PPA2: variants seen among roughly 807,000 people sequenced by gnomAD.
PPA2 encodes the protein inorganic pyrophosphatase 2, mitochondrial.
Under a neutral mutation model 49.5 loss-of-function variants are expected in PPA2, and 48 were observed. That is an observed-to-expected ratio of 0.97 (90% CI 0.77 to 1.23). The LOEUF (loss-of-function observed/expected upper bound fraction) is 1.23, where lower values mean the gene tolerates loss of function less well. PPA2 is among the 50% of genes most tolerant of loss of function. The pLI is 0.00. For synonymous variants in PPA2, 131 were observed against 139.9 expected (o/e 0.94, Z 0.45); for missense variants, 429 against 410.1 (o/e 1.05, Z -0.40).
At chr4:105,399,388 A>G in intron 7 of PPA2, 1 of 350,998 alleles carries the variant, frequency 2.8e-6, no homozygotes, top group Non-Finnish European at 5.1e-6. Context: ...AAACATTTAC[A>G]AAGCATCTTC....
chr4:105,448,097 T>G (rs758488935), intron 4 of PPA2: 18 of 404,450 alleles, frequency 4.5e-5, no homozygotes, highest in Non-Finnish European at 8.9e-5. Context: ...TTAAAACCTA[T>G]GTATATAGGA....
At chr4:105,454,388 T>A (rs985252312) in intron 2 of PPA2, among the ~76,000 whole-genome samples, 8 of 152,224 alleles carry the variant, frequency 5.3e-5, no homozygotes, top group Admixed American at 2.6e-4. Context: ...TGGAGTGCAG[T>A]GGCGCAATCT....
At chr4:105,424,071 C>G in intron 7 of PPA2, 125 bp downstream of exon 7, 1 of 998,836 alleles carries the variant, frequency 1.0e-6, no homozygotes, top group Non-Finnish European at 1.5e-6. Context: ...ATTTGTCTAT[C>G]TACATCTTTT....
At chr4:105,449,567 G>T (rs1248108690) in intron 3 of PPA2, among the ~76,000 whole-genome samples, 164 bp from the exon 4 acceptor site, 4 of 152,114 alleles carry the variant, frequency 2.6e-5, no homozygotes, top group Admixed American at 2.6e-4. Context: ...AGAAATTAGA[G>T]TTGTCTAAAA....
chr4:105,402,983 CTTTT>C (rs1722285553), intron 7 of PPA2, among the ~76,000 whole-genome samples: 1 of 151,652 alleles, frequency 6.6e-6, no homozygotes, highest in Admixed American at 6.6e-5. Context: ...AAAATTCTTT[CTTTT>C]TCTTTCCTCT....
At chr4:105,422,093 C>T (rs1377255158) in intron 7 of PPA2, among the ~76,000 whole-genome samples, 1 of 152,098 alleles carries the variant, frequency 6.6e-6, no homozygotes, top group African/African-American at 2.4e-5. Flanking sequence ...GAGAAGAGTA[C>T]TTTAAGTACT....
intron 10 of PPA2, among the ~76,000 whole-genome samples, chr4:105,374,024 G>A (rs998478663): frequency 2.0e-5 from 3 of 152,098 alleles, no homozygotes; most frequent in Non-Finnish European, 2.9e-5. Flanking sequence ...ACAAAGAGAT[G>A]TATGGAGCAG....
intron 1 of PPA2, among the ~76,000 whole-genome samples, chr4:105,459,607 A>T (rs113536589): frequency 0.02 from 3,104 of 152,332 alleles, 49 homozygotes; most frequent in Middle Eastern, 0.061. Flanking sequence ...AAAAATCTCT[A>T]TATGTTTACA....
rs2713870 is a variant in PPA2, at chr4:105,399,375, T to C, written c.656-211A>G. ...TATGTATAATACTATTCCTGCACTC[T>C]ACAAACATTTACAAAGCATCTTCAG... On this transcript the variant is annotated intron_variant, in intron 7 of 11. Transcript: ENST00000341695. 159,047 of 370,216 alleles carry C rather than the reference T, an allele frequency of 0.43. 37,553 individuals are homozygous for C. The highest frequency in any genetic ancestry group is 0.72 in the East Asian group (17,042 of 23,592). The allele number at this position is 370,216 out of a possible 1,614,324, so 22.9% of individuals were successfully genotyped here. A position where few individuals can be genotyped will look rare whatever the true frequency, so the allele number is the denominator to read the frequency against.
intron 6 of PPA2, among the ~76,000 whole-genome samples, chr4:105,430,942 C>G (rs918583169): frequency 5.3e-5 from 8 of 152,064 alleles, no homozygotes; most frequent in African/African-American, 1.9e-4. Context: ...TACTGGGATT[C>G]ACAACGGTTA....
chr4:105,408,681 C>T (rs919014550), intron 7 of PPA2, among the ~76,000 whole-genome samples: 1 of 152,064 alleles, frequency 6.6e-6, no homozygotes, highest in African/African-American at 2.4e-5. Flanking sequence ...AACACAACTG[C>T]AATAGTTAAA....
intron 6 of PPA2, among the ~76,000 whole-genome samples, chr4:105,429,880 C>CG (rs1723719035): frequency 6.6e-6 from 1 of 152,104 alleles, no homozygotes; most frequent in Admixed American, 6.5e-5. Context: ...ATTGACAAAA[C>CG]AGGTTTCATA....
At chr4:105,402,999 TTTC>T (rs1304321876) in intron 7 of PPA2, among the ~76,000 whole-genome samples, 6 of 148,756 alleles carry the variant, frequency 4.0e-5, no homozygotes, top group Non-Finnish European at 7.4e-5. Context: ...CTTTCCTCTT[TTTC>T]TTTCTTTCTT....
At chr4:105,456,873 C>T in intron 1 of PPA2, 128 bp from the exon 2 acceptor site, 1 of 641,210 alleles carries the variant, frequency 1.6e-6, no homozygotes. Flanking sequence ...ACTTTAACTC[C>T]CAACTTAAAG....
intron 1 of PPA2, among the ~76,000 whole-genome samples, chr4:105,461,464 C>CT (rs1723089521): frequency 6.6e-6 from 1 of 152,202 alleles, no homozygotes; most frequent in Non-Finnish European, 1.5e-5. Context: ...AGCAGTCAGA[C>CT]TTTCGGTTGG....
intron 10 of PPA2, among the ~76,000 whole-genome samples, chr4:105,383,772 A>C (rs1300333481): frequency 6.6e-6 from 1 of 152,192 alleles, no homozygotes; most frequent in Non-Finnish European, 1.5e-5. Flanking sequence ...TAATTCGCTC[A>C]TTCTAAGCTA....
At chr4:105,390,875 C>G (rs1733887055) in intron 9 of PPA2, among the ~76,000 whole-genome samples, 1 of 152,176 alleles carries the variant, frequency 6.6e-6, no homozygotes, top group Non-Finnish European at 1.5e-5. Context: ...ACTATTAAGA[C>G]TCATGCACAC....
chr4:105,464,279 G>C (rs374276966), intron 1 of PPA2, among the ~76,000 whole-genome samples: 1 of 152,180 alleles, frequency 6.6e-6, no homozygotes, highest in East Asian at 1.9e-4. Context: ...GGACTTGTAT[G>C]GGGCCTGTAG....
At chr4:105,396,120 C>T (rs1734130931) in intron 9 of PPA2, 129 bp downstream of exon 9, 2 of 499,826 alleles carry the variant, frequency 4.0e-6, no homozygotes, top group Non-Finnish European at 7.0e-6. Flanking sequence ...TTAGTAATGC[C>T]CAATGAATAG....
Sources: allele counts gnomAD v4.1 joint callset (sites outside exome capture counted in the v4.1 genomes callset), GRCh38; gene constraint gnomAD v4.1.1; transcripts MANE v1.5; gene names NCBI Gene and HGNC (gene_info 2026-07-23, HGNC 2026-07-21).